The following DLGAP2 variants were observed in gnomAD, a reference collection of about 807,000 sequenced individuals.
DLGAP2 encodes DLG associated protein 2, also known as disks large-associated protein 2.
DLGAP2 carries 26 observed loss-of-function variants against 100.3 expected under a neutral mutation model. The observed-to-expected ratio is 0.26, with a 90% CI of 0.19 to 0.36. The LOEUF is 0.36. Ranked by LOEUF, DLGAP2 falls within the 10% of genes least tolerant of loss-of-function variation. The pLI is 1.00. For synonymous variants in DLGAP2, 886 were observed against 630.1 expected, an observed-to-expected ratio of 1.41 and a Z score of -6.08; for missense variants, 1,858 against 1,453.2, an observed-to-expected ratio of 1.28 and a Z score of -4.53.
intron 1 of DLGAP2, among the ~76,000 whole-genome samples, chr8:888,075 T>C (rs747485493): frequency 5.9e-5 from 9 of 152,176 alleles, no homozygotes; most frequent in Non-Finnish European, 1.0e-4. Flanking sequence ...TGTTCATTCC[T>C]TTTCATTCTT....
chr8:1,613,953 C>G (rs1427886055), intron 6 of DLGAP2, among the ~76,000 whole-genome samples: 1 of 152,166 alleles, frequency 6.6e-6, no homozygotes, highest in African/African-American at 2.4e-5. Flanking sequence ...TCAACTATTC[C>G]CGGTACAAAT....
chr8:1,223,289 G>A (rs545794934), intron 2 of DLGAP2, among the ~76,000 whole-genome samples: 16 of 152,208 alleles, frequency 1.1e-4, no homozygotes, highest in African/African-American at 3.4e-4. Flanking sequence ...TTTTTCCAAG[G>A]ATCTGTTCAC....
rs939736295 is a variant in DLGAP2 at position 1,690,765 on chromosome 8, T to C, written c.2705-770T>C. On this transcript the variant is annotated intron_variant, in intron 12 of 14. Transcript: ENST00000637795. Reference sequence around the variant, plus strand: ...ATTAACCAAATAAAGTCATTGCAATTAGGAACCATTTGTAGATTAATTCTT... The same window carrying C: ...ATTAACCAAATAAAGTCATTGCAATCAGGAACCATTTGTAGATTAATTCTT... Among the ~76,000 whole-genome samples, 4 of 150,016 alleles carry C rather than the reference T, an allele frequency of 2.7e-5. No homozygotes were observed. In the East Asian group the frequency reaches 5.9e-4, roughly 22 times the overall value.
intron 2 of DLGAP2, among the ~76,000 whole-genome samples, chr8:1,012,789 A>G (rs1801334830): frequency 7.9e-6 from 1 of 127,022 alleles, no homozygotes; most frequent in Admixed American, 9.3e-5. Context: ...CTTCAGCGGC[A>G]GTGTGGACAC....
At chr8:1,350,278 C>T (rs1413827268) in intron 3 of DLGAP2, among the ~76,000 whole-genome samples, 17 of 83,118 alleles carry the variant, frequency 2.0e-4, no homozygotes, top group South Asian at 6.6e-4. Flanking sequence ...AACGGCCGTG[C>T]GGGTCCTGAG....
chr8:1,203,562 C>T (rs190090779), intron 2 of DLGAP2, among the ~76,000 whole-genome samples: 1 of 152,332 alleles, frequency 6.6e-6, no homozygotes, highest in Admixed American at 6.5e-5. Flanking sequence ...TCTCTTTTAT[C>T]TAGCAGATTC....
intron 1 of DLGAP2, among the ~76,000 whole-genome samples, chr8:776,834 G>C (rs1397355284): frequency 6.6e-6 from 1 of 152,136 alleles, no homozygotes. Context: ...CTGTTGATTT[G>C]GGGTGGAGAG....
chr8:1,177,481 A>G (rs1797286080), intron 2 of DLGAP2, among the ~76,000 whole-genome samples: 1 of 152,038 alleles, frequency 6.6e-6, no homozygotes, highest in South Asian at 2.1e-4. Flanking sequence ...CCGATTCTGA[A>G]TGCATGGTGT....
intron 1 of DLGAP2, among the ~76,000 whole-genome samples, chr8:784,712 T>C (rs1438302355): frequency 2.6e-5 from 4 of 152,178 alleles, no homozygotes; most frequent in Admixed American, 1.3e-4. Flanking sequence ...CCATACAGTG[T>C]TCCTAAATCC....
intron 2 of DLGAP2, among the ~76,000 whole-genome samples, chr8:928,277 G>C (rs901944993): frequency 6.6e-5 from 10 of 152,186 alleles, no homozygotes; most frequent in African/African-American, 2.4e-4. Flanking sequence ...CCTGGACACG[G>C]TTTACCGAGG....
intron 2 of DLGAP2, among the ~76,000 whole-genome samples, chr8:1,206,507 G>A (rs13251439): frequency 1.8e-4 from 22 of 119,184 alleles, no homozygotes; most frequent in East Asian, 2.9e-4. Context: ...GACTGTGAGC[G>A]GTTAATCTCC....
At chr8:1,300,207 GTGTC>G (rs1800299085) in intron 3 of DLGAP2, 1 of 152,192 alleles carries the variant, frequency 6.6e-6, no homozygotes, top group African/African-American at 2.4e-5. Context: ...TTATACGTGT[GTGTC>G]TGTGTGCAAA....
intron 1 of DLGAP2, among the ~76,000 whole-genome samples, chr8:839,046 C>T (rs1387584463): frequency 6.6e-6 from 1 of 152,260 alleles, no homozygotes; most frequent in Non-Finnish European, 1.5e-5. Context: ...TATCACCTCA[C>T]ACCTGTTAGG....
At chr8:1,514,521 A>G (rs1800292777) in intron 4 of DLGAP2, among the ~76,000 whole-genome samples, 2 of 152,274 alleles carry the variant, frequency 1.3e-5, no homozygotes, top group Admixed American at 6.5e-5. Context: ...TAGCGTTAAT[A>G]TTTCAGTAAG....
Position 1,504,745 on chromosome 8 carries a change from G to C in DLGAP2, c.172+3314G>C, listed in dbSNP as rs556696114. The stretch of plus-strand genomic sequence containing the variant: ...TTTCTCACTTTTTAAGACTGAGTAG[G>C]TATTCCACATTTTCTTTGTCTGTGC... On this transcript the variant is annotated intron_variant, in intron 4 of 14. Transcript: ENST00000637795. Among the ~76,000 whole-genome samples the C allele has an allele frequency of 3.3e-5, 5 of 152,246 alleles. No individual in the cohort carries two copies. In the South Asian group the frequency reaches 1.0e-3, roughly 32 times the overall value.
At chr8:975,652 C>G (rs561530535) in intron 2 of DLGAP2, among the ~76,000 whole-genome samples, 1 of 152,150 alleles carries the variant, frequency 6.6e-6, no homozygotes, top group Non-Finnish European at 1.5e-5. Context: ...GTCTATAGTA[C>G]AGCAAAAGCA....
Position 1,013,663 on chromosome 8 carries a change from C to G in DLGAP2, c.73+105697C>G, listed in dbSNP as rs1209463503. 3.3e-4 allele frequency among the ~76,000 whole-genome samples: 34 copies of G among 101,960 alleles called. 3 individuals are homozygous for G. In the South Asian group the frequency reaches 5.4e-3, roughly 16 times the overall value. The allele number at this position is 101,960 out of a possible 152,430, so 66.9% of individuals were successfully genotyped here. A position where few individuals can be genotyped will look rare whatever the true frequency, so the allele number is the denominator to read the frequency against. On this transcript the variant is annotated intron_variant, in intron 2 of 14. Coordinates refer to ENST00000637795, the MANE Select transcript of DLGAP2 (RefSeq NM_001346810.2). ...ACTGTGTGTGTGACCAGGACAGACG[C>G]CTCCACTGTGTGAGACCAGGACAGA...
rs769287014 is a variant in DLGAP2 at position 1,549,110 on chromosome 8, C to T, written c.657C>T (p.Ala219=). The change falls in exon 5 of 15, where the codon GCC becomes GCT. Residue 219 remains alanine, a synonymous_variant. Transcript: ENST00000637795. ...AGTACCAGAGGACGTCCGCGGCCGC[C>T]GAGCAGCGCAGCGAGAGCCCCGGGC... ...TLQYQRTSAA[A]EQRSESPGRI... is the part of the protein sequence containing the mutation. 2 of 1,585,524 alleles carry T rather than the reference C, an allele frequency of 1.3e-6. No individual in the cohort carries two copies. The highest frequency in any genetic ancestry group is 1.3e-5 in the African/African-American group (1 of 74,424).
At chr8:1,580,402 G>T (rs1331574654) in intron 6 of DLGAP2, among the ~76,000 whole-genome samples, 5 of 152,156 alleles carry the variant, frequency 3.3e-5, no homozygotes, top group African/African-American at 1.2e-4. Flanking sequence ...CTTGAAGATA[G>T]GTTCATGGAA....
Sources: gnomAD v4.1 joint callset for allele counts (sites outside exome capture counted in the v4.1 genomes callset) on GRCh38, gnomAD v4.1.1 for gene constraint, MANE v1.5 for transcripts, NCBI Gene and HGNC (gene_info 2026-07-23, HGNC 2026-07-21) for gene names.